The following ABRAXAS2 variants were observed in gnomAD, a reference collection of about 807,000 sequenced individuals.
ABRAXAS2 encodes abraxas 2, BRISC complex subunit.
In ABRAXAS2, 23 loss-of-function variants were observed where a neutral mutation model predicts 49.0. The observed-to-expected ratio is 0.47, with a 90% CI of 0.34 to 0.66. ABRAXAS2 has a LOEUF of 0.66. Ranked by LOEUF, ABRAXAS2 falls within the 30% of genes least tolerant of loss-of-function variation. ABRAXAS2 has a pLI of 0.01. For missense variants in ABRAXAS2, 443 were observed against 511.9 expected, an observed-to-expected ratio of 0.87 and a Z score of 1.30; for synonymous variants, 168 against 180.2, an observed-to-expected ratio of 0.93 and a Z score of 0.54.
chr10:124,816,659 TAAA>T, intron 3 of ABRAXAS2, 47 bp downstream of exon 3: 1 of 1,385,916 alleles, frequency 7.2e-7, no homozygotes, highest in Non-Finnish European at 1.0e-6. Context: ...GATTGATTGA[TAAA>T]AAAAACTAGT....
At position 124,815,629 on chromosome 10, in the gene ABRAXAS2, A is replaced by G. The variant is rs547876214; in HGVS notation, c.164-947A>G. Among the ~76,000 whole-genome samples the G allele has an allele frequency of 3.5e-4, 53 of 152,296 alleles. No homozygotes were observed. The South Asian group carries it at 0.011, about 32-fold the overall frequency. On this transcript the variant is annotated intron_variant, in intron 2 of 8. Transcript: ENST00000298492. ...AATGGTCAATTAGTTTCATGGTCTT[A>G]TAAAGAAACCCAGACCCTAAGCCCC...
At chr10:124,830,164 G>GC (rs1950922346) in intron 7 of ABRAXAS2, among the ~76,000 whole-genome samples, 1 of 152,160 alleles carries the variant, frequency 6.6e-6, no homozygotes, top group Admixed American at 6.6e-5. Flanking sequence ...AAAGGCTTTG[G>GC]CCCGGCATGG....
chr10:124,827,865 G>A (rs1210345142), intron 5 of ABRAXAS2, among the ~76,000 whole-genome samples: 1 of 152,134 alleles, frequency 6.6e-6, no homozygotes, highest in Non-Finnish European at 1.5e-5. Context: ...ATTGACATCA[G>A]TGAAAATAAT....
At chr10:124,814,113 C>T (rs533881354) in intron 2 of ABRAXAS2, among the ~76,000 whole-genome samples, 6 of 151,968 alleles carry the variant, frequency 3.9e-5, no homozygotes, top group Non-Finnish European at 8.8e-5. Context: ...TGCCTCAGTC[C>T]CGCAAGTAGC....
intron 2 of ABRAXAS2, among the ~76,000 whole-genome samples, chr10:124,810,253 C>T (rs969030527): frequency 1.4e-4 from 22 of 152,192 alleles, no homozygotes; most frequent in Non-Finnish European, 2.9e-4. Flanking sequence ...AAACTGGGTG[C>T]AGTGGCTCAT....
intron 7 of ABRAXAS2, among the ~76,000 whole-genome samples, chr10:124,830,128 C>T (rs975120820): frequency 1.6e-4 from 24 of 152,146 alleles, no homozygotes; most frequent in African/African-American, 5.3e-4. Flanking sequence ...CTCTCCCAGA[C>T]CTGGAGAAAG....
At chr10:124,834,165 G>A (rs1471662199) in intron 8 of ABRAXAS2, among the ~76,000 whole-genome samples, 1 of 152,168 alleles carries the variant, frequency 6.6e-6, no homozygotes, top group East Asian at 1.9e-4. Flanking sequence ...GAGCGACAGA[G>A]CCTGCATTCT....
chr10:124,820,835 G>C (rs2134166604), intron 4 of ABRAXAS2, among the ~76,000 whole-genome samples: 1 of 152,188 alleles, frequency 6.6e-6, no homozygotes, highest in East Asian at 1.9e-4. Context: ...TTTTGGAGCA[G>C]AATTTTCTAG....
intron 1 of ABRAXAS2, among the ~76,000 whole-genome samples, chr10:124,803,349 A>G (rs1344199361): frequency 2.0e-5 from 3 of 152,224 alleles, no homozygotes; most frequent in Non-Finnish European, 4.4e-5. Flanking sequence ...CTTTGCCACA[A>G]TTATAGATGT....
chr10:124,810,474 C>T (rs539539581), intron 2 of ABRAXAS2, among the ~76,000 whole-genome samples: 3 of 152,200 alleles, frequency 2.0e-5, no homozygotes, highest in Admixed American at 6.5e-5. Context: ...TACAGTGAAC[C>T]GTGATCATAC....
chr10:124,833,946 A>G (rs1164106105), intron 8 of ABRAXAS2, among the ~76,000 whole-genome samples: 1 of 152,160 alleles, frequency 6.6e-6, no homozygotes, highest in Non-Finnish European at 1.5e-5. Context: ...ATAAAGGCGT[A>G]TAAGTGTATT....
rs139804916 is a variant in ABRAXAS2 at position 124,813,143 on chromosome 10, G to A, written c.164-3433G>A. 2.2e-3 allele frequency among the ~76,000 whole-genome samples: 340 copies of A among 152,342 alleles called. 1 individual carries two copies. Among genetic ancestry groups the A allele is most frequent in the African/African-American group, 7.9e-3 (328 of 41,584 alleles). On this transcript the variant is annotated intron_variant, in intron 2 of 8. Coordinates refer to ENST00000298492, the MANE Select transcript of ABRAXAS2 (RefSeq NM_032182.4). ...TTGAATGTGGGAGGCGGAGGTTGCA[G>A]TGAGTCGAGATCGTGCCACTGCACT...
rs148163908 is a variant in ABRAXAS2 at position 124,805,956 on chromosome 10, G to A, written c.73-875G>A. 3.3e-5 allele frequency among the ~76,000 whole-genome samples: 5 copies of A among 152,258 alleles called. No homozygotes were observed. The East Asian group carries it at 9.7e-4, about 29-fold the overall frequency. On this transcript the variant is annotated intron_variant, in intron 1 of 8. Transcript: ENST00000298492. ...GTAGGTAATGAGCCAATCAACTGTG[G>A]TGGTAAATGCCCTCCAAAAGTGTAA... is the stretch of plus-strand genomic sequence containing the variant.
intron 6 of ABRAXAS2, among the ~76,000 whole-genome samples, chr10:124,829,164 T>C (rs918008140): frequency 3.3e-5 from 5 of 152,200 alleles, no homozygotes; most frequent in African/African-American, 1.2e-4. Context: ...AAGCTAAACA[T>C]AGTCACTGAA....
intron 2 of ABRAXAS2, among the ~76,000 whole-genome samples, chr10:124,815,679 G>A (rs566263640): frequency 5.3e-5 from 8 of 152,154 alleles, no homozygotes; most frequent in Non-Finnish European, 4.4e-5. Flanking sequence ...GAAATTGTTC[G>A]CTCTGCTTAA....
At chr10:124,810,535 A>C (rs1034673821) in intron 2 of ABRAXAS2, among the ~76,000 whole-genome samples, 6 of 152,104 alleles carry the variant, frequency 3.9e-5, no homozygotes, top group African/African-American at 4.8e-5. Flanking sequence ...TAAAAGAAAA[A>C]AGACTTGCGA....
chr10:124,810,748 A>AC (rs1950781543), intron 2 of ABRAXAS2, among the ~76,000 whole-genome samples: 1 of 151,194 alleles, frequency 6.6e-6, no homozygotes, highest in Non-Finnish European at 1.5e-5. Flanking sequence ...ACTCCCAGCT[A>AC]ATTTTTGTAT....
chr10:124,832,597 C>T (rs1213655156), intron 8 of ABRAXAS2, among the ~76,000 whole-genome samples: 1 of 152,174 alleles, frequency 6.6e-6, no homozygotes, highest in Non-Finnish European at 1.5e-5. Context: ...GTAATCCTAG[C>T]ACTTTGGGAG....
rs1343171950 is a variant in ABRAXAS2, at chr10:124,801,842, A to G, written c.13A>G (p.Ile5Val). MAASISGYTFSAVCF... is the reference protein window; with the variant it reads MAASVSGYTFSAVCF... ...GGAGATTTCCATCATGGCGGCGTCC[A>G]TTTCGGGCTACACCTTCAGTGCTGT... Residue 5 changes from isoleucine to valine, a missense_variant, in exon 1 of 9, where the codon ATT becomes GTT. By Grantham distance (29) the Ile-to-Val change is conservative (BLOSUM62 3). Around this residue, in one of 3 missense-constraint regions of ABRAXAS2, gnomAD observed 47 missense variants for 27.6 expected, o/e 1.70. Transcript: ENST00000298492. 3 of 1,613,332 alleles carry G rather than the reference A, an allele frequency of 1.9e-6. No individual in the cohort carries two copies. The highest frequency in any genetic ancestry group is 2.2e-5 in the East Asian group (1 of 44,728).
Sources: gnomAD v4.1 joint callset for allele counts (sites outside exome capture counted in the v4.1 genomes callset) on GRCh38, gnomAD v4.1.1 for gene constraint, gnomAD v4.1.1 regional missense constraint, MANE v1.5 for transcripts, NCBI Gene and HGNC (gene_info 2026-07-23, HGNC 2026-07-21) for gene names.